Variants in FRMPD4 observed in about 807,000 individuals in gnomAD.
FRMPD4 encodes FERM and PDZ domain containing 4.
FRMPD4 carries 22 observed loss-of-function variants against 94.1 expected under a neutral mutation model. The observed-to-expected ratio is 0.23, with a 90% CI of 0.17 to 0.33. The LOEUF (loss-of-function observed/expected upper bound fraction) is 0.33. Among genes scored for constraint, FRMPD4 ranks in the 10% least tolerant of loss-of-function variants. The probability of loss-of-function intolerance (pLI) is 1.00; values close to 1 mark genes in which losing one functional copy is unlikely to be tolerated. For synonymous variants in FRMPD4, 631 were observed against 548.6 expected (o/e 1.15, Z -2.10); for missense variants, 1,111 against 1,339.9 (o/e 0.83, Z 2.67).
At chrX:12,667,289 A>G (rs1312362743) in intron 4 of FRMPD4, among the ~76,000 whole-genome samples, 1 of 112,215 alleles carries the variant, frequency 8.9e-6, no homozygotes, top group Non-Finnish European at 1.9e-5. Flanking sequence ...CTAAAGCAAG[A>G]TTCTCGAATT....
chrX:11,895,264 G>A (rs1324492148), intron 3 of FRMPD4, among the ~76,000 whole-genome samples: 2 of 111,509 alleles, frequency 1.8e-5, no homozygotes, highest in African/African-American at 3.3e-5. Context: ...AAGTTACAAC[G>A]CCATCAAGTT....
chrX:12,231,244 A>G (rs2057004623), intron 1 of FRMPD4, among the ~76,000 whole-genome samples: 1 of 101,076 alleles, frequency 9.9e-6, no homozygotes, highest in Non-Finnish European at 2.0e-5. Flanking sequence ...TACAGAGAGT[A>G]TAGTGGGTAA....
At chrX:12,415,329 G>A (rs1292074261) in intron 1 of FRMPD4, among the ~76,000 whole-genome samples, 8 of 111,329 alleles carry the variant, frequency 7.2e-5, no homozygotes, top group African/African-American at 9.8e-5. Flanking sequence ...GGCAATATAT[G>A]TTGTTTTCAA....
chrX:12,430,827 G>A (rs2057001935), intron 1 of FRMPD4, among the ~76,000 whole-genome samples: 1 of 112,412 alleles, frequency 8.9e-6, no homozygotes, highest in South Asian at 3.6e-4. Context: ...ATATTTCACA[G>A]ATATGTAATT....
At chrX:12,449,308 G>A (rs1199496473) in intron 1 of FRMPD4, among the ~76,000 whole-genome samples, 1 of 112,187 alleles carries the variant, frequency 8.9e-6, no homozygotes, top group Non-Finnish European at 1.9e-5. Context: ...GTCCTTGAGT[G>A]TTAAGTAAGA....
intron 2 of FRMPD4, among the ~76,000 whole-genome samples, chrX:12,558,689 A>T (rs1393201965): frequency 8.9e-6 from 1 of 112,065 alleles, no homozygotes; most frequent in Non-Finnish European, 1.9e-5. Flanking sequence ...GGCTAAGCAA[A>T]AGCAGTATCT....
At chrX:12,581,815 C>T (rs1253104160) in intron 2 of FRMPD4, among the ~76,000 whole-genome samples, 3 of 112,029 alleles carry the variant, frequency 2.7e-5, no homozygotes, top group African/African-American at 9.7e-5. Context: ...CTCAGGTATC[C>T]ATGATTCACT....
At chrX:11,982,899 G>C (rs1036551819) in intron 3 of FRMPD4, among the ~76,000 whole-genome samples, 3 of 111,679 alleles carry the variant, frequency 2.7e-5, no homozygotes, top group Non-Finnish European at 3.8e-5. Flanking sequence ...TGATTCTGCT[G>C]TCTTATTTCT....
chrX:12,600,636 C>G (rs771359471), intron 2 of FRMPD4, among the ~76,000 whole-genome samples: 16 of 112,199 alleles, frequency 1.4e-4, no homozygotes, highest in Admixed American at 4.7e-4. Flanking sequence ...CCAACAACCC[C>G]TTTGTCAGAC....
intron 2 of FRMPD4, among the ~76,000 whole-genome samples, chrX:12,499,714 A>G (rs1223253670): frequency 9.1e-6 from 1 of 110,317 alleles, no homozygotes; most frequent in Non-Finnish European, 1.9e-5. Context: ...TCCTTTTTTT[A>G]TTTTTCCTTT....
At chrX:12,474,344 C>T (rs1326267581) in intron 1 of FRMPD4, among the ~76,000 whole-genome samples, 1 of 110,492 alleles carries the variant, frequency 9.1e-6, no homozygotes, top group Non-Finnish European at 1.9e-5. Flanking sequence ...ACTAAATGCC[C>T]ACAAGAGAAA....
chrX:12,525,480 G>A (rs868139214), intron 2 of FRMPD4, among the ~76,000 whole-genome samples: 3 of 111,368 alleles, frequency 2.7e-5, no homozygotes, highest in Non-Finnish European at 5.7e-5. Context: ...GTTCCAACCT[G>A]ACTCTGGCAT....
chrX:12,076,332 GTGTGTGTGTGTGTGTGTGTGTGTGTA>G (rs1316563706), intron 3 of FRMPD4, among the ~76,000 whole-genome samples: 4 of 107,541 alleles, frequency 3.7e-5, no homozygotes, highest in African/African-American at 1.4e-4. Flanking sequence ...CAAAACGTGT[GTGTGTGTGTGTGTGTGTGTGTGTGTA>G]TGTGTGTGTG....
At chrX:12,716,001 T>TGGGCCCCCCC in intron 14 of FRMPD4, 68 bp from the exon 15 acceptor site, 2 of 231,655 alleles carry the variant, frequency 8.6e-6, no homozygotes, top group Non-Finnish European at 1.6e-5. Flanking sequence ...GAGACGAGCC[T>TGGGCCCCCCC]CCCACCCCCG....
At chrX:11,985,045 G>T (rs1315637312) in intron 3 of FRMPD4, among the ~76,000 whole-genome samples, 1 of 111,932 alleles carries the variant, frequency 8.9e-6, no homozygotes, top group Non-Finnish European at 1.9e-5. Context: ...GAGAGAGGTG[G>T]AGCAAGATGG....
intron 4 of FRMPD4, 43 bp from the exon 5 acceptor site, chrX:12,674,820 G>T (rs1008753955): frequency 1.2e-6 from 1 of 831,091 alleles, no homozygotes; most frequent in African/African-American, 2.0e-5. Context: ...TAGAGTCCGG[G>T]CTCAGTGCAT....
At chrX:12,590,635 C>T (rs1203242222) in intron 2 of FRMPD4, among the ~76,000 whole-genome samples, 2 of 111,942 alleles carry the variant, frequency 1.8e-5, no homozygotes, top group South Asian at 3.7e-4. Context: ...TCCTTATTTG[C>T]GAAGTATTCT....
chrX:11,953,112 C>T (rs751175690), intron 3 of FRMPD4, among the ~76,000 whole-genome samples: 2 of 111,684 alleles, frequency 1.8e-5, no homozygotes, highest in African/African-American at 6.5e-5. Context: ...TACACATGGC[C>T]ATAAATACTC....
chrX:12,529,504 C>T (rs764187781), intron 2 of FRMPD4, among the ~76,000 whole-genome samples: 81 of 112,618 alleles, frequency 7.2e-4, no homozygotes, highest in Non-Finnish European at 1.3e-3. Flanking sequence ...TGGAGGCCAA[C>T]TCAGAAGCTG....
Sources: allele counts gnomAD v4.1 joint callset (sites outside exome capture counted in the v4.1 genomes callset), GRCh38; gene constraint gnomAD v4.1.1; transcripts MANE v1.5; gene names NCBI Gene and HGNC (gene_info 2026-07-23, HGNC 2026-07-21).